The following RBFOX1 variants were observed in gnomAD, a reference collection of about 807,000 sequenced individuals.
RBFOX1 encodes the protein RNA binding fox-1 homolog 1.
A neutral mutation model predicts 57.7 loss-of-function variants in RBFOX1; 8 were observed. The ratio of observed to expected loss-of-function variants is 0.14; its 90% CI spans 0.08 to 0.25. The LOEUF (loss-of-function observed/expected upper bound fraction) is 0.25. Ranked by LOEUF, RBFOX1 falls within the 10% of genes least tolerant of loss-of-function variation. The probability of loss-of-function intolerance (pLI) is 1.00; values close to 1 mark genes in which losing one functional copy is unlikely to be tolerated. For missense variants in RBFOX1, 611 were observed against 548.5 expected (o/e 1.11, Z -1.14); for synonymous variants, 326 against 222.4 (o/e 1.47, Z -4.15).
intron 3 of RBFOX1, among the ~76,000 whole-genome samples, chr16:5,788,443 A>T (rs2054583651): frequency 6.6e-6 from 1 of 152,122 alleles, no homozygotes; most frequent in South Asian, 2.1e-4. Context: ...AGCCTGGCCA[A>T]TGTGGTGAAA....
At chr16:5,850,241 A>G (rs555805070) in intron 3 of RBFOX1, among the ~76,000 whole-genome samples, 1 of 152,226 alleles carries the variant, frequency 6.6e-6, no homozygotes, top group East Asian at 1.9e-4. Context: ...GGAGGGAGAA[A>G]AGTGAGTGAG....
In RBFOX1 at chr16:7,651,657, G is replaced by T. The variant is rs114241564; in HGVS notation, c.758-2158G>T. Among the ~76,000 whole-genome samples, 296 of 152,278 alleles carry T rather than the reference G, an allele frequency of 1.9e-3. 1 individual carries two copies. The highest frequency in any genetic ancestry group is 6.7e-3 in the African/African-American group (278 of 41,542). ...CTCTTCTTGGCAGTTTGGATAGAGG[G>T]TGGAGACAACTTTAACATGAAATGA... On this transcript the variant is annotated intron_variant, in intron 11 of 15. Coordinates refer to ENST00000550418, the MANE Select transcript of RBFOX1 (RefSeq NM_018723.4).
In RBFOX1 at chr16:6,897,688, G is replaced by C. The variant is rs549688688; in HGVS notation, c.-15-154369G>C. Among the ~76,000 whole-genome samples the C allele has an allele frequency of 2.0e-5, 3 of 152,176 alleles. No individual in the cohort carries two copies. In the South Asian group the frequency reaches 6.2e-4, roughly 32 times the overall value. ...CGTGTCTGTAATCACAGCCAGTTGG[G>C]AGCCTGAGGCAGGACAGTTGCTTGA... On this transcript the variant is annotated intron_variant, in intron 3 of 15. Transcript: ENST00000550418.
chr16:5,720,882 C>T (rs191509004), intron 3 of RBFOX1, among the ~76,000 whole-genome samples: 2 of 152,196 alleles, frequency 1.3e-5, no homozygotes, highest in Admixed American at 1.3e-4. Flanking sequence ...CAACTTTGTT[C>T]TTAGTTTTCA....
At chr16:7,610,335 G>A (rs1476708800) in intron 10 of RBFOX1, among the ~76,000 whole-genome samples, 1 of 151,282 alleles carries the variant, frequency 6.6e-6, no homozygotes, top group Non-Finnish European at 1.5e-5. Flanking sequence ...TGGCTAGGCT[G>A]GTCTTGAACT....
intron 3 of RBFOX1, among the ~76,000 whole-genome samples, chr16:6,972,259 C>A (rs1044246001): frequency 1.3e-5 from 2 of 152,096 alleles, no homozygotes; most frequent in Non-Finnish European, 2.9e-5. Context: ...CTTTCTCCCT[C>A]TCCCCAGCCC....
intron 3 of RBFOX1, among the ~76,000 whole-genome samples, chr16:5,813,954 A>G (rs2055528066): frequency 6.6e-6 from 1 of 152,264 alleles, no homozygotes; most frequent in African/African-American, 2.4e-5. Flanking sequence ...AACTTACGTT[A>G]TTATGGCAAA....
intron 1 of RBFOX1, among the ~76,000 whole-genome samples, chr16:5,247,692 C>G (rs1881333): frequency 0.85 from 128,940 of 152,182 alleles, 54,786 homozygotes; most frequent in East Asian, 0.99. Flanking sequence ...TGAATAGTTG[C>G]GACAGAGACC....
At chr16:5,268,201 A>G (rs2062911257) in intron 1 of RBFOX1, among the ~76,000 whole-genome samples, 1 of 152,204 alleles carries the variant, frequency 6.6e-6, no homozygotes, top group Non-Finnish European at 1.5e-5. Flanking sequence ...AGCCTCTACT[A>G]GAATGAAGAA....
chr16:7,473,236 G>C (rs939370958), intron 4 of RBFOX1, among the ~76,000 whole-genome samples: 7 of 151,886 alleles, frequency 4.6e-5, no homozygotes, highest in African/African-American at 1.7e-4. Context: ...AAACTAGCTG[G>C]GCATGGTGGC....
At chr16:5,623,423 G>C (rs74004431) in intron 3 of RBFOX1, among the ~76,000 whole-genome samples, 100 of 152,312 alleles carry the variant, frequency 6.6e-4, no homozygotes, top group African/African-American at 2.3e-3. Context: ...CTCTCAGCGA[G>C]TTTCTGTTCT....
At chr16:6,948,509 A>G (rs1027213055) in intron 3 of RBFOX1, among the ~76,000 whole-genome samples, 9 of 149,294 alleles carry the variant, frequency 6.0e-5, no homozygotes, top group Non-Finnish European at 1.0e-4. Flanking sequence ...CAGCCTCCCA[A>G]GTAGCTTGGA....
chr16:7,148,157 G>C (rs1023483950), intron 4 of RBFOX1, among the ~76,000 whole-genome samples: 1 of 152,156 alleles, frequency 6.6e-6, no homozygotes, highest in Non-Finnish European at 1.5e-5. Context: ...GCTGTTCTCA[G>C]GGCTAACTCA....
chr16:6,864,266 A>C (rs1307487876), intron 3 of RBFOX1, among the ~76,000 whole-genome samples: 1 of 152,122 alleles, frequency 6.6e-6, no homozygotes, highest in Non-Finnish European at 1.5e-5. Flanking sequence ...ACATTTAGAC[A>C]CGTTCAAAAA....
chr16:6,382,548 C>G (rs1351974544), intron 2 of RBFOX1, among the ~76,000 whole-genome samples: 1 of 152,158 alleles, frequency 6.6e-6, no homozygotes, highest in Non-Finnish European at 1.5e-5. Context: ...AGAAGCCTAG[C>G]TTCATTAAGG....
intron 4 of RBFOX1, among the ~76,000 whole-genome samples, chr16:7,334,866 C>G (rs973741191): frequency 1.1e-4 from 17 of 152,130 alleles, no homozygotes; most frequent in African/African-American, 4.1e-4. Flanking sequence ...AAATCTTAGC[C>G]TGATCATACT....
At chr16:6,592,036 A>T (rs954219928) in intron 2 of RBFOX1, among the ~76,000 whole-genome samples, 6 of 152,216 alleles carry the variant, frequency 3.9e-5, no homozygotes, top group African/African-American at 1.4e-4. Flanking sequence ...TATAAAACTT[A>T]ACAGTTTCAG....
chr16:6,167,682 A>G (rs1181507859), intron 1 of RBFOX1, among the ~76,000 whole-genome samples: 1 of 152,038 alleles, frequency 6.6e-6, no homozygotes, highest in African/African-American at 2.4e-5. Context: ...TGTCCAACCA[A>G]CCTTTTAGTT....
intron 3 of RBFOX1, among the ~76,000 whole-genome samples, chr16:6,903,829 C>T (rs1013182124): frequency 3.3e-5 from 5 of 152,040 alleles, no homozygotes; most frequent in Admixed American, 6.6e-5. Context: ...CCCCAACAGG[C>T]GGGCTGTAAA....
Sources: allele counts gnomAD v4.1 joint callset (sites outside exome capture counted in the v4.1 genomes callset), GRCh38; gene constraint gnomAD v4.1.1; transcripts MANE v1.5; gene names NCBI Gene and HGNC (gene_info 2026-07-23, HGNC 2026-07-21).